The following SUPT3H variants were observed in gnomAD, a reference collection of about 807,000 sequenced individuals.
SUPT3H encodes the protein SPT3 homolog, SAGA and STAGA complex component.
SUPT3H carries 44 observed loss-of-function variants against 44.3 expected under a neutral mutation model. The observed-to-expected ratio is 0.99, with a 90% CI of 0.78 to 1.28. SUPT3H has a LOEUF of 1.28. Among genes scored for constraint, SUPT3H ranks in the 50% most tolerant of loss-of-function variants. The pLI is 0.00. For missense variants in SUPT3H, 380 were observed against 387.1 expected, an observed-to-expected ratio of 0.98 and a Z score of 0.15; for synonymous variants, 124 against 125.6, an observed-to-expected ratio of 0.99 and a Z score of 0.09.
chr6:45,332,499 CTCCAAA>C (rs1448478999), intron 2 of SUPT3H, among the ~76,000 whole-genome samples: 2 of 151,874 alleles, frequency 1.3e-5, no homozygotes, highest in East Asian at 3.9e-4. Flanking sequence ...TCAAATCCCT[CTCCAAA>C]GCATACAAAT....
intron 10 of SUPT3H, among the ~76,000 whole-genome samples, chr6:44,883,163 A>T (rs1420818073): frequency 1.3e-5 from 2 of 152,216 alleles, no homozygotes; most frequent in African/African-American, 4.8e-5. Context: ...AAATCTCCTT[A>T]AGCTGATAAG....
At chr6:45,103,234 T>A (rs2153569914) in intron 3 of SUPT3H, among the ~76,000 whole-genome samples, 1 of 152,324 alleles carries the variant, frequency 6.6e-6, no homozygotes, top group Middle Eastern at 3.4e-3. Flanking sequence ...ATGTAATATT[T>A]AGTGGAATCT....
chr6:44,948,845 A>T (rs1443484587), intron 9 of SUPT3H, among the ~76,000 whole-genome samples: 1 of 152,224 alleles, frequency 6.6e-6, no homozygotes, highest in South Asian at 2.1e-4. Context: ...ATTCCTCAAG[A>T]ATCTAGAACT....
At chr6:45,287,491 A>C (rs1440906248) in intron 2 of SUPT3H, among the ~76,000 whole-genome samples, 2 of 152,198 alleles carry the variant, frequency 1.3e-5, no homozygotes, top group Non-Finnish European at 2.9e-5. Flanking sequence ...TAGTGAAATA[A>C]ACCAGTCACC....
At chr6:45,018,261 T>C (rs2153516290) in intron 4 of SUPT3H, among the ~76,000 whole-genome samples, 1 of 152,100 alleles carries the variant, frequency 6.6e-6, no homozygotes, top group Non-Finnish European at 1.5e-5. Flanking sequence ...GACGATGGGG[T>C]TTTCTAGATA....
intron 8 of SUPT3H, 54 bp downstream of exon 8, chr6:44,954,441 G>T: frequency 8.1e-7 from 1 of 1,230,308 alleles, no homozygotes. Flanking sequence ...ATCATGGGCA[G>T]AGATAAAGAA....
At chr6:45,045,083 G>A (rs1789166402) in intron 3 of SUPT3H, among the ~76,000 whole-genome samples, 1 of 152,012 alleles carries the variant, frequency 6.6e-6, no homozygotes, top group South Asian at 2.1e-4. Flanking sequence ...ATGACTCATG[G>A]GAAGAATGGC....
intron 2 of SUPT3H, among the ~76,000 whole-genome samples, chr6:45,321,586 T>C (rs561260257): frequency 1.3e-5 from 2 of 152,292 alleles, no homozygotes; most frequent in South Asian, 4.1e-4. Flanking sequence ...ATCCAGTCCA[T>C]ATTCCAAGTT....
At chr6:45,288,583 GTATA>G (rs1261356182) in intron 2 of SUPT3H, among the ~76,000 whole-genome samples, 71 of 87,588 alleles carry the variant, frequency 8.1e-4, no homozygotes, top group African/African-American at 2.8e-3. Context: ...ATATATATAT[GTATA>G]TATATATATG....
At chr6:45,261,313 C>T (rs542410407) in intron 2 of SUPT3H, among the ~76,000 whole-genome samples, 5 of 152,078 alleles carry the variant, frequency 3.3e-5, no homozygotes, top group African/African-American at 1.2e-4. Context: ...CAGAGATGCA[C>T]AAATTGTCAA....
intron 10 of SUPT3H, among the ~76,000 whole-genome samples, chr6:44,904,872 T>C (rs1765725561): frequency 6.6e-6 from 1 of 152,118 alleles, no homozygotes; most frequent in Non-Finnish European, 1.5e-5. Flanking sequence ...GCCACATATC[T>C]ACAACCATCT....
intron 2 of SUPT3H, among the ~76,000 whole-genome samples, chr6:45,181,633 G>A (rs930526112): frequency 6.7e-6 from 1 of 148,344 alleles, no homozygotes; most frequent in Admixed American, 6.8e-5. Flanking sequence ...ACCAAACACC[G>A]CATATTCTCC....
At chr6:45,249,623 T>G (rs1772010438) in intron 2 of SUPT3H, among the ~76,000 whole-genome samples, 1 of 152,138 alleles carries the variant, frequency 6.6e-6, no homozygotes, top group African/African-American at 2.4e-5. Context: ...AAGGCAGGGA[T>G]CCACGGTGGC....
chr6:45,351,170 T>C (rs1230818186), intron 2 of SUPT3H, among the ~76,000 whole-genome samples: 1 of 152,056 alleles, frequency 6.6e-6, no homozygotes, highest in East Asian at 1.9e-4. Context: ...ACCACTGTAA[T>C]AGCTGGTCAC....
chr6:44,871,198 C>A (rs1432206751), intron 10 of SUPT3H, among the ~76,000 whole-genome samples: 1 of 146,382 alleles, frequency 6.8e-6, no homozygotes, highest in Non-Finnish European at 1.5e-5. Context: ...GGGGGCAGGG[C>A]ACAGACAAAC....
intron 3 of SUPT3H, among the ~76,000 whole-genome samples, chr6:45,053,535 C>T (rs1319969849): frequency 6.6e-6 from 1 of 151,672 alleles, no homozygotes; most frequent in East Asian, 1.9e-4. Context: ...GAGAAAATAG[C>T]AGAGGCAGAA....
At chr6:44,981,970 G>A (rs1276218119) in intron 6 of SUPT3H, among the ~76,000 whole-genome samples, 1 of 152,040 alleles carries the variant, frequency 6.6e-6, no homozygotes, top group East Asian at 1.9e-4. Context: ...GAGCACAGGA[G>A]TTTGACACTG....
intron 10 of SUPT3H, among the ~76,000 whole-genome samples, chr6:44,855,761 A>T (rs1201815762): frequency 6.6e-6 from 1 of 151,668 alleles, no homozygotes; most frequent in Non-Finnish European, 1.5e-5. Context: ...ACAATCAGAG[A>T]CACTTTTGAC....
intron 6 of SUPT3H, among the ~76,000 whole-genome samples, chr6:44,977,838 A>C (rs1398869470): frequency 6.6e-6 from 1 of 152,200 alleles, no homozygotes; most frequent in Non-Finnish European, 1.5e-5. Flanking sequence ...ATAATCTAAA[A>C]AATTCTACGT....
Sources: gnomAD v4.1 joint callset for allele counts (sites outside exome capture counted in the v4.1 genomes callset) on GRCh38, gnomAD v4.1.1 for gene constraint, MANE v1.5 for transcripts, NCBI Gene and HGNC (gene_info 2026-07-23, HGNC 2026-07-21) for gene names.